Variants in EXT1 observed in about 807,000 individuals in gnomAD.
EXT1 encodes the protein exostosin-1.
EXT1 carries 20 observed loss-of-function variants against 82.5 expected under a neutral mutation model. That is an observed-to-expected ratio of 0.24 (90% CI 0.17 to 0.35). The LOEUF is 0.35. Among genes scored for constraint, EXT1 ranks in the 10% least tolerant of loss-of-function variants. EXT1 has a pLI of 1.00. For missense variants in EXT1, 757 were observed against 936.5 expected (o/e 0.81, Z 2.50); for synonymous variants, 348 against 350.8 (o/e 0.99, Z 0.09).
rs893833607 is a variant in EXT1 at position 118,110,744 on chromosome 8, C to T, written c.303G>A (p.Glu101=). Reference sequence around the variant, plus strand: ...TGCAAAGGGTGAAATCGAAGCAGGACTCCATGCGGCACTTCTTGCCTTTGT... The same window carrying T: ...TGCAAAGGGTGAAATCGAAGCAGGATTCCATGCGGCACTTCTTGCCTTTGT... ...SIYKGKKCRM[E]SCFDFTLCKK... Residue 101 remains glutamate (E), a synonymous_variant, in exon 1 of 11, where the codon GAG becomes GAA. Coordinates refer to ENST00000378204, the MANE Select transcript of EXT1 (RefSeq NM_000127.3). 19 of 1,614,060 alleles carry T rather than the reference C, an allele frequency of 1.2e-5. No individual in the cohort carries two copies. Among genetic ancestry groups the T allele is most frequent in the Non-Finnish European group, 1.5e-5 (18 of 1,180,048 alleles).
chr8:117,935,144 C>T (rs894414818), intron 1 of EXT1, among the ~76,000 whole-genome samples: 24 of 152,056 alleles, frequency 1.6e-4, no homozygotes, highest in East Asian at 1.2e-3. Flanking sequence ...TAAGTGATAA[C>T]GGAGGTTAAA....
intron 1 of EXT1, among the ~76,000 whole-genome samples, chr8:117,848,150 T>C (rs1812395768): frequency 2.0e-5 from 3 of 152,214 alleles, no homozygotes; most frequent in Admixed American, 2.0e-4. Flanking sequence ...CTATGGAAAG[T>C]TTAATCTTTC....
intron 1 of EXT1, among the ~76,000 whole-genome samples, chr8:117,961,021 A>G (rs918948815): frequency 6.6e-6 from 1 of 152,218 alleles, no homozygotes; most frequent in South Asian, 2.1e-4. Context: ...TTTTGTGGGA[A>G]GTAGAGGGTA....
rs1046093250 is a variant in EXT1, at chr8:117,837,193, T to C, written c.971A>G (p.Tyr324Cys). ...AGTGGCATTGTGCAGCATTTCCCGA[T>C]AATCATACCTAGAAAGAGAAGAGGA... is the stretch of plus-strand genomic sequence containing the variant. ...RDNTEYEKYD[Y>C]REMLHNATFC... Residue 324 changes from tyrosine (Y) to cysteine (C), a missense_variant, in exon 2 of 11, where the codon TAT becomes TGT. Tyr to Cys is a radical substitution (Grantham distance 194, BLOSUM62 -2). Transcript: ENST00000378204. The C allele has an allele frequency of 1.9e-6, 3 of 1,613,174 alleles. No individual in the cohort carries two copies. Among genetic ancestry groups the C allele is most frequent in the Non-Finnish European group, 1.7e-6 (2 of 1,179,274 alleles).
chr8:117,888,877 AACCTC>A (rs1274709794), intron 1 of EXT1, among the ~76,000 whole-genome samples: 1 of 152,176 alleles, frequency 6.6e-6, no homozygotes, highest in Non-Finnish European at 1.5e-5. Flanking sequence ...CCTATCTTCA[AACCTC>A]AGCCTGCCCA....
At chr8:117,817,776 A>G (rs1352227943) in intron 7 of EXT1, among the ~76,000 whole-genome samples, 1 of 152,190 alleles carries the variant, frequency 6.6e-6, no homozygotes, top group Non-Finnish European at 1.5e-5. Flanking sequence ...AAAGATTGGA[A>G]GGCTGGCTAG....
chr8:118,058,068 A>C (rs1019916545), intron 1 of EXT1, among the ~76,000 whole-genome samples: 8 of 152,018 alleles, frequency 5.3e-5, no homozygotes, highest in Non-Finnish European at 1.2e-4. Flanking sequence ...TAGTGGCTTC[A>C]GGAGTATATT....
chr8:118,007,782 G>T (rs1341386595), intron 1 of EXT1, among the ~76,000 whole-genome samples: 1 of 152,122 alleles, frequency 6.6e-6, no homozygotes, highest in African/African-American at 2.4e-5. Flanking sequence ...AGCTGGAAGA[G>T]AGAAAGAAAA....
At chr8:117,883,891 TAAG>T (rs1327629693) in intron 1 of EXT1, among the ~76,000 whole-genome samples, 1 of 152,206 alleles carries the variant, frequency 6.6e-6, no homozygotes, top group Non-Finnish European at 1.5e-5. Flanking sequence ...AGTTCCTCTG[TAAG>T]AAGACTTCAA....
intron 1 of EXT1, among the ~76,000 whole-genome samples, chr8:117,973,342 T>A (rs905681506): frequency 6.6e-6 from 1 of 152,166 alleles, no homozygotes; most frequent in Non-Finnish European, 1.5e-5. Context: ...TCAGTGTGGT[T>A]CTAACCAGTG....
chr8:117,890,316 T>C (rs904654189), intron 1 of EXT1, among the ~76,000 whole-genome samples: 3 of 152,342 alleles, frequency 2.0e-5, no homozygotes, highest in South Asian at 2.1e-4. Context: ...CAAGAAACCT[T>C]TGGCAACTTC....
At chr8:117,956,128 C>T (rs1182033022) in intron 1 of EXT1, among the ~76,000 whole-genome samples, 3 of 151,400 alleles carry the variant, frequency 2.0e-5, no homozygotes, top group African/African-American at 7.3e-5. Context: ...GACAACAACA[C>T]ACACAGGAAA....
chr8:117,974,788 T>C (rs1489420647), intron 1 of EXT1, among the ~76,000 whole-genome samples: 1 of 152,114 alleles, frequency 6.6e-6, no homozygotes, highest in Admixed American at 6.5e-5. Flanking sequence ...GATTTGGCTT[T>C]TGTTGCCACC....
At chr8:117,804,622 T>C in intron 10 of EXT1, 100 bp downstream of exon 10, 3 of 1,324,406 alleles carry the variant, frequency 2.3e-6, no homozygotes, top group Non-Finnish European at 3.3e-6. Flanking sequence ...CTCCTCATTA[T>C]ATGCTCCTGG....
chr8:118,087,893 A>G (rs1817452028), intron 1 of EXT1, among the ~76,000 whole-genome samples: 1 of 151,146 alleles, frequency 6.6e-6, no homozygotes, highest in Non-Finnish European at 1.5e-5. Context: ...GGATTGTGTT[A>G]TACAAAACAA....
intron 1 of EXT1, among the ~76,000 whole-genome samples, chr8:117,983,547 C>A (rs189794657): frequency 6.0e-4 from 92 of 152,190 alleles, no homozygotes; most frequent in Non-Finnish European, 8.7e-4. Flanking sequence ...GTAGTAACAG[C>A]CCCAATGTCA....
At chr8:117,868,969 A>C (rs17450716) in intron 1 of EXT1, among the ~76,000 whole-genome samples, 73,899 of 151,884 alleles carry the variant, frequency 0.49, 19,458 homozygotes, top group African/African-American at 0.7. Flanking sequence ...TTCCTCCACT[A>C]ACCTGGCCTG....
intron 1 of EXT1, among the ~76,000 whole-genome samples, chr8:118,084,608 G>A (rs1817386594): frequency 6.6e-6 from 1 of 152,122 alleles, no homozygotes; most frequent in Non-Finnish European, 1.5e-5. Flanking sequence ...CCAGCTCCTC[G>A]AAATGCTGGG....
intron 5 of EXT1, among the ~76,000 whole-genome samples, chr8:117,821,584 T>C (rs1811925219): frequency 6.6e-6 from 1 of 152,256 alleles, no homozygotes; most frequent in Admixed American, 6.5e-5. Context: ...GCTTTGTCAC[T>C]GGTTGATGCT....
Sources: gnomAD v4.1 joint callset for allele counts (sites outside exome capture counted in the v4.1 genomes callset) on GRCh38, gnomAD v4.1.1 for gene constraint, MANE v1.5 for transcripts, NCBI Gene and HGNC (gene_info 2026-07-23, HGNC 2026-07-21) for gene names.